Variants in DNAI2 observed in about 807,000 individuals in gnomAD.
The protein encoded by DNAI2 is dynein axonemal intermediate chain 2, also known as dynein, axonemal, intermediate polypeptide 2.
DNAI2 carries 63 observed loss-of-function variants against 74.7 expected under a neutral mutation model. The ratio of observed to expected loss-of-function variants is 0.84; its 90% CI spans 0.69 to 1.04. DNAI2 has a LOEUF of 1.04. Among genes scored for constraint, DNAI2 ranks in the 50% least tolerant of loss-of-function variants. The pLI, the probability that DNAI2 is intolerant of heterozygous loss-of-function variation, is 0.00. For missense variants in DNAI2, 688 were observed against 803.2 expected (o/e 0.86, Z 1.73); for synonymous variants, 289 against 314.9 (o/e 0.92, Z 0.87).
rs567531807 is a variant in DNAI2 at position 74,305,384 on chromosome 17, G to T, written c.1153G>T (p.Asp385Tyr). Reference sequence around the variant, plus strand: ...CCCGAAGAACTTCCTGACGGTTGGCGACTGGACAGCCCGCATTTGGTCTGA... The same window carrying T: ...CCCGAAGAACTTCCTGACGGTTGGCTACTGGACAGCCCGCATTTGGTCTGA... ...FYPKNFLTVG[D>Y]WTARIWSEDS... The change falls in exon 9 of 14, where the codon GAC (aspartate) becomes TAC (tyrosine). Residue 385 changes from aspartate (D) to tyrosine (Y), a missense_variant. Asp to Tyr is a radical substitution (Grantham distance 160, BLOSUM62 -3). Coordinates refer to ENST00000311014, the MANE Select transcript of DNAI2 (RefSeq NM_023036.6). 3 of 1,614,044 alleles carry T rather than the reference G, an allele frequency of 1.9e-6. No homozygotes were observed. The Admixed American group carries it at 5.0e-5, about 27-fold the overall frequency.
rs1357146861 is a variant in DNAI2, at chr17:74,314,722, A to C, written c.*189A>C. 5.1e-6 allele frequency: 1 copy of C among 196,844 alleles called. No individual in the cohort carries two copies. The highest frequency in any genetic ancestry group is 1.1e-4 in the East Asian group (1 of 8,878). The allele number at this position is 196,844 out of a possible 1,614,324, so 12.2% of individuals were successfully genotyped here. A position where few individuals can be genotyped will look rare whatever the true frequency, so the allele number is the denominator to read the frequency against. ...AACAGAAAGTCTGTCCACTTTGAAA[A>C]TACCTTTCCAGGCAGCTCCCTGACC... is the stretch of plus-strand genomic sequence containing the variant. On this transcript the variant is annotated 3_prime_UTR_variant, in exon 14 of 14. Coordinates refer to ENST00000311014, the MANE Select transcript of DNAI2 (RefSeq NM_023036.6).
intron 6 of DNAI2, 116 bp downstream of exon 6, chr17:74,291,249 C>T (rs2052079337): frequency 1.3e-6 from 1 of 772,218 alleles, no homozygotes; most frequent in African/African-American, 1.8e-5. Flanking sequence ...CAACCTCCGC[C>T]TCCTGGGTTC....
intron 8 of DNAI2, among the ~76,000 whole-genome samples, chr17:74,304,587 G>C (rs889139556): frequency 6.6e-6 from 1 of 152,188 alleles, no homozygotes; most frequent in Admixed American, 6.5e-5. Flanking sequence ...TGTGCATTCA[G>C]TCCGCAGTGA....
intron 12 of DNAI2, among the ~76,000 whole-genome samples, chr17:74,313,595 G>T (rs1246021867): frequency 6.6e-6 from 1 of 152,180 alleles, no homozygotes; most frequent in Non-Finnish European, 1.5e-5. Flanking sequence ...ACCATGGCTT[G>T]AACATTCTAC....
intron 9 of DNAI2, among the ~76,000 whole-genome samples, chr17:74,308,198 C>G (rs1324770885): frequency 6.6e-6 from 1 of 152,148 alleles, no homozygotes; most frequent in Admixed American, 6.6e-5. Context: ...GCCTTGCTCA[C>G]CAGGGGCCCA....
intron 9 of DNAI2, among the ~76,000 whole-genome samples, chr17:74,308,057 CA>C (rs2053290915): frequency 6.6e-6 from 1 of 152,124 alleles, no homozygotes; most frequent in Non-Finnish European, 1.5e-5. Context: ...CTCGGCCTCC[CA>C]AAGTCCTGGG....
chr17:74,290,878 G>T, intron 5 of DNAI2, 142 bp from the exon 6 acceptor site: 1 of 794,992 alleles, frequency 1.3e-6, no homozygotes, highest in Non-Finnish European at 2.3e-6. Context: ...AGGGGGTGCA[G>T]GCTGGGGAAA....
chr17:74,278,888 C>T (rs1567836616), intron 1 of DNAI2, among the ~76,000 whole-genome samples: 1 of 152,256 alleles, frequency 6.6e-6, no homozygotes, highest in Non-Finnish European at 1.5e-5. Flanking sequence ...AACTAACAGG[C>T]CGGGCGCGGT....
chr17:74,314,192 A>G lies in DNAI2; in HGVS notation c.1794A>G (p.Glu598=), dbSNP rs2144148291. 1 of 1,614,170 alleles carries G rather than the reference A, an allele frequency of 6.2e-7. No homozygotes were observed. The highest frequency in any genetic ancestry group is 1.1e-5 in the South Asian group (1 of 91,082). ...AAGCAGCGGGGGAAGAAGGGGATGA[A>G]GAAGTGGAAGAAGACTTAGCCTAGA... ...GEEAAGEEGD[E]EVEEDLA Residue 598 remains glutamate (E), a synonymous_variant, in exon 13 of 14, where the codon GAA becomes GAG. Transcript: ENST00000311014.
chr17:74,306,240 C>CA (rs947321072), intron 9 of DNAI2, among the ~76,000 whole-genome samples: 4 of 152,366 alleles, frequency 2.6e-5, no homozygotes, highest in African/African-American at 9.6e-5. Flanking sequence ...GAGCTTGAGA[C>CA]AGAGCTATGA....
Position 74,312,098 on chromosome 17 carries a change from G to C in DNAI2, c.1590G>C (p.Glu530Asp), listed in dbSNP as rs752538640. 6.2e-7 allele frequency: 1 copy of C among 1,613,586 alleles called. No individual in the cohort carries two copies. Among genetic ancestry groups the C allele is most frequent in the Admixed American group, 1.7e-5 (1 of 60,018 alleles). ...KEKGKAEGRD[E>D]EQTDEELAVD... ...AGGGTAAGGCGGAGGGCAGGGATGA[G>C]GAGCAGACCGATGAGGAGCTGGCCG... Residue 530 changes from glutamate (E) to aspartate (D), a missense_variant, in exon 12 of 14, where the codon GAG (glutamate) becomes GAC (aspartate). Glu to Asp is a conservative substitution (Grantham distance 45, BLOSUM62 2). Coordinates refer to ENST00000311014, the MANE Select transcript of DNAI2 (RefSeq NM_023036.6).
At position 74,291,111 on chromosome 17, in the gene DNAI2, T is replaced by C. The variant is rs2143952522; in HGVS notation, c.702T>C (p.Gly234=). The C allele has an allele frequency of 6.2e-7, 1 of 1,613,918 alleles. No individual in the cohort carries two copies. The highest frequency in any genetic ancestry group is 1.1e-5 in the South Asian group (1 of 91,068). The change falls in exon 6 of 14, where the codon GGT becomes GGC. Residue 234 remains glycine, a synonymous_variant. Transcript: ENST00000311014. ...FNPKDSHVLL[G]GCYNGQIACW... ...CCAAAGATTCCCACGTACTCCTGGG[T>C]GGCTGCTACAATGGACAGATAGGTA...
chr17:74,279,117 A>C (rs561993367), intron 1 of DNAI2, among the ~76,000 whole-genome samples: 1 of 152,118 alleles, frequency 6.6e-6, no homozygotes, highest in Admixed American at 6.5e-5. Flanking sequence ...CAGTGAGCTG[A>C]GATCGTGCCA....
chr17:74,280,714 C>T (rs1473511230), intron 1 of DNAI2, among the ~76,000 whole-genome samples: 1 of 152,074 alleles, frequency 6.6e-6, no homozygotes, highest in Admixed American at 6.6e-5. Context: ...TGTTTCATGC[C>T]CAGCATGGCA....
intron 6 of DNAI2, among the ~76,000 whole-genome samples, chr17:74,298,876 G>A (rs1038772728): frequency 2.0e-5 from 3 of 152,010 alleles, no homozygotes; most frequent in Non-Finnish European, 2.9e-5. Flanking sequence ...CTTTTGCCTC[G>A]GCCTCCTAAT....
At chr17:74,308,890 C>G (rs2053338302) in intron 9 of DNAI2, among the ~76,000 whole-genome samples, 1 of 151,928 alleles carries the variant, frequency 6.6e-6, no homozygotes, top group African/African-American at 2.4e-5. Flanking sequence ...ATGGTGAAAC[C>G]CCATCTCTAG....
intron 1 of DNAI2, among the ~76,000 whole-genome samples, chr17:74,276,683 C>T (rs189993695): frequency 6.6e-6 from 1 of 152,302 alleles, no homozygotes; most frequent in African/African-American, 2.4e-5. Flanking sequence ...CCTCTGTTCT[C>T]ACTCGGGGCT....
intron 1 of DNAI2, among the ~76,000 whole-genome samples, chr17:74,275,602 C>G (rs2051021945): frequency 6.6e-6 from 1 of 152,120 alleles, no homozygotes; most frequent in African/African-American, 2.4e-5. Context: ...TGGCTCACGC[C>G]TGTAGTCCCA....
At chr17:74,278,929 A>G (rs1441155051) in intron 1 of DNAI2, among the ~76,000 whole-genome samples, 3 of 152,242 alleles carry the variant, frequency 2.0e-5, no homozygotes, top group African/African-American at 7.2e-5. Flanking sequence ...GCATTTTGGG[A>G]GGCCAAGGTG....
Sources: allele counts gnomAD v4.1 joint callset (sites outside exome capture counted in the v4.1 genomes callset), GRCh38; gene constraint gnomAD v4.1.1; transcripts MANE v1.5; gene names NCBI Gene and HGNC (gene_info 2026-07-23, HGNC 2026-07-21).